BAG3: variants seen among roughly 807,000 people sequenced by gnomAD.
BAG3 encodes the protein BAG family molecular chaperone regulator 3.
BAG3 carries 14 observed loss-of-function variants against 40.5 expected under a neutral mutation model. The ratio of observed to expected loss-of-function variants is 0.35; its 90% confidence interval spans 0.23 to 0.54. BAG3 has a LOEUF of 0.54. BAG3 is among the 20% of genes least tolerant of loss of function. The pLI is 0.91. For missense variants in BAG3, 788 were observed against 758.6 expected (o/e 1.04, Z -0.46); for synonymous variants, 302 against 307.8 (o/e 0.98, Z 0.20).
chr10:119,672,456 C>G lies in BAG3; in HGVS notation c.709C>G (p.Gln237Glu). Residue 237 changes from glutamine (Q) to glutamate (E), a missense_variant, in exon 3 of 4, where the codon CAG (glutamine) becomes GAG (glutamate). Gln to Glu is a conservative substitution (Grantham distance 29, BLOSUM62 2). Transcript: ENST00000369085. This position sits in a 1 kb window ranked among gnomAD's most constrained non-coding sequence, Gnocchi z 4.8. ...QAQKTHYPAQ[Q>E]GEYQTHQPVY... The stretch of plus-strand genomic sequence containing the variant: ...CCAGAAGACGCACTACCCAGCGCAG[C>G]AGGGGGAGTACCAGACCCACCAGCC... The G allele has an allele frequency of 8.7e-6, 14 of 1,614,228 alleles. No individual in the cohort carries two copies. Among genetic ancestry groups the G allele is most frequent in the Non-Finnish European group, 1.1e-5 (13 of 1,180,050 alleles).
rs374883210 is a variant in BAG3 at position 119,677,307 on chromosome 10, C to T, written c.*25C>T. The T allele has an allele frequency of 7.1e-5, 115 of 1,612,652 alleles. No homozygotes were observed. Among genetic ancestry groups the T allele is most frequent in the Non-Finnish European group, 9.3e-5 (110 of 1,179,626 alleles). On this transcript the variant is annotated 3_prime_UTR_variant, in exon 4 of 4. Coordinates refer to ENST00000369085, the MANE Select transcript of BAG3 (RefSeq NM_004281.4). ...GCCTCTGCCCTGTAAAAATCAGACT[C>T]GGAACCGATGTGTGCTTTAGGGAAT... is the stretch of plus-strand genomic sequence containing the variant.
intron 1 of BAG3, among the ~76,000 whole-genome samples, chr10:119,662,884 G>C (rs1241150308): frequency 6.6e-6 from 1 of 152,194 alleles, no homozygotes; most frequent in Non-Finnish European, 1.5e-5. Context: ...GCATGGTGGC[G>C]GGCACCTGTA....
At chr10:119,661,770 G>A (rs1045210198) in intron 1 of BAG3, among the ~76,000 whole-genome samples, 2 of 152,058 alleles carry the variant, frequency 1.3e-5, no homozygotes, top group African/African-American at 4.8e-5. Context: ...CTCCTCAGGT[G>A]TCCTGTAAGT....
At chr10:119,669,500 C>G (rs924938017) in intron 1 of BAG3, among the ~76,000 whole-genome samples, 1 of 152,242 alleles carries the variant, frequency 6.6e-6, no homozygotes, top group East Asian at 1.9e-4. Context: ...AGCTCATCTT[C>G]TGATCCGGGT....
chr10:119,665,124 G>A (rs12260635), intron 1 of BAG3, among the ~76,000 whole-genome samples: 2 of 52,672 alleles, frequency 3.8e-5, no homozygotes, highest in Admixed American at 1.9e-4. Flanking sequence ...GTGTGTGTGT[G>A]TGTATATATA....
chr10:119,651,664 C>A lies in BAG3; in HGVS notation c.-12C>A, dbSNP rs1460588845. 6.4e-7 allele frequency: 1 copy of A among 1,570,388 alleles called. No individual in the cohort carries two copies. The highest frequency in any genetic ancestry group is 1.8e-5 in the Admixed American group (1 of 55,336). ...CCGCACCCGCGCCCCAGCGGGCAGA[C>A]CCCAACCCAGCATGAGCGCCGCCAC... On this transcript the variant is annotated 5_prime_UTR_variant, in exon 1 of 4. Transcript: ENST00000369085.
chr10:119,662,788 G>A lies in BAG3; in HGVS notation c.181-7063G>A, dbSNP rs899704018. 2.0e-5 allele frequency among the ~76,000 whole-genome samples: 3 copies of A among 152,100 alleles called. No homozygotes were observed. The East Asian group carries it at 5.8e-4, about 29-fold the overall frequency. ...TCAGCACTTTGGGAGGCCGAGATGG[G>A]CAGATCACGAGGTCAGGAGATCGAG... is the stretch of plus-strand genomic sequence containing the variant. On this transcript the variant is annotated intron_variant, in intron 1 of 3. Transcript: ENST00000369085.
intron 1 of BAG3, among the ~76,000 whole-genome samples, chr10:119,666,284 C>T (rs1292799655): frequency 6.6e-6 from 1 of 152,170 alleles, no homozygotes; most frequent in Middle Eastern, 3.2e-3. Flanking sequence ...CCCCTGGTCT[C>T]TAGCCTCATC....
rs11199064 is a variant in BAG3 at position 119,676,768 on chromosome 10, C to T, written c.1214C>T (p.Ala405Val). ...RAAPSTAPAE[A>V]TPPKPGEAEA... is the part of the protein sequence containing the mutation. Reference sequence around the variant, plus strand: ...GCCCCCAGCACTGCCCCTGCAGAAGCTACACCTCCAAAACCAGGAGAAGCC... The same window carrying T: ...GCCCCCAGCACTGCCCCTGCAGAAGTTACACCTCCAAAACCAGGAGAAGCC... The change falls in exon 4 of 4, where the codon GCT becomes GTT. Residue 405 changes from alanine (A) to valine (V), a missense_variant. Physicochemically the swap from Ala to Val is moderately conservative, Grantham distance 64. Transcript: ENST00000369085. The T allele has an allele frequency of 1.0e-4, 168 of 1,614,048 alleles. No homozygotes were observed. The highest frequency in any genetic ancestry group is 1.3e-4 in the Non-Finnish European group (159 of 1,180,044).
rs149335469 is a variant in BAG3 at position 119,674,972 on chromosome 10, G to A, written c.910-1492G>A. Among the ~76,000 whole-genome samples, 566 of 125,856 alleles carry A rather than the reference G, an allele frequency of 4.5e-3. 2 individuals carry two copies. Among genetic ancestry groups the A allele is most frequent in the African/African-American group, 0.014 (431 of 31,848 alleles). 82.6% of individuals were successfully genotyped at this position (125,856 alleles called of 152,430 possible). On this transcript the variant is annotated intron_variant, in intron 3 of 3. Coordinates refer to ENST00000369085, the MANE Select transcript of BAG3 (RefSeq NM_004281.4). ...AGCCTGGGTGACAGAGCGAGGCTCCGTCTCAAAAACAAAAACAAAAACAAA... is the reference window on the plus strand; with the variant it reads ...AGCCTGGGTGACAGAGCGAGGCTCCATCTCAAAAACAAAAACAAAAACAAA...
intron 1 of BAG3, among the ~76,000 whole-genome samples, chr10:119,661,320 G>C (rs1286137022): frequency 1.3e-5 from 2 of 152,080 alleles, no homozygotes; most frequent in Non-Finnish European, 2.9e-5. Flanking sequence ...GAGCAGCTCA[G>C]AGTTTACAAA....
chr10:119,658,460 C>T (rs1846945352), intron 1 of BAG3, among the ~76,000 whole-genome samples: 1 of 152,210 alleles, frequency 6.6e-6, no homozygotes, highest in African/African-American at 2.4e-5. Flanking sequence ...GCCTGGCTGG[C>T]CTGATGACTC....
intron 1 of BAG3, among the ~76,000 whole-genome samples, chr10:119,652,926 TAA>T (rs922206909): frequency 3.3e-5 from 5 of 152,240 alleles, no homozygotes; most frequent in African/African-American, 1.2e-4. Context: ...GCTTTCAGGA[TAA>T]AAAGTTTTTA....
At position 119,670,085 on chromosome 10, in the gene BAG3, C is replaced by T. The variant is rs556465096; in HGVS notation, c.415C>T (p.Arg139Trp). The change falls in exon 2 of 4, where the codon CGG becomes TGG. Residue 139 changes from arginine (R) to tryptophan (W), a missense_variant. By Grantham distance (101) the Arg-to-Trp change is moderately radical. Coordinates refer to ENST00000369085, the MANE Select transcript of BAG3 (RefSeq NM_004281.4). ...AAPQRSQSPL[R>W]GMPETTQPDK... ...TCCTCAGAGGTCCCAGTCACCTCTG[C>T]GGGGCATGCCAGAAACCACTCAGCC... 267 of 1,613,680 alleles carry T rather than the reference C, an allele frequency of 1.7e-4. No homozygotes were observed. The highest frequency in any genetic ancestry group is 4.9e-4 in the Middle Eastern group (3 of 6,062).
chr10:119,654,320 A>G (rs773229802), intron 1 of BAG3, among the ~76,000 whole-genome samples: 1 of 152,204 alleles, frequency 6.6e-6, no homozygotes, highest in Non-Finnish European at 1.5e-5. Context: ...AAATGCTGTC[A>G]ATCAGTAAAA....
In BAG3 at chr10:119,651,756, G is replaced by T. The variant is rs1357331177; in HGVS notation, c.81G>T (p.Glu27Asp). The change falls in exon 1 of 4, where the codon GAG becomes GAT. Residue 27 changes from glutamate (E) to aspartate (D), a missense_variant. Coordinates refer to ENST00000369085, the MANE Select transcript of BAG3 (RefSeq NM_004281.4). ...GDRDPLPPGW[E>D]IKIDPQTGWP... ...GCGACCCTTTGCCCCCCGGATGGGA[G>T]ATCAAGATCGACCCGCAGACCGGCT... 1 of 1,600,380 alleles carries T rather than the reference G, an allele frequency of 6.2e-7. No individual in the cohort carries two copies. Among genetic ancestry groups the T allele is most frequent in the Non-Finnish European group, 8.5e-7 (1 of 1,173,926 alleles).
At chr10:119,669,076 A>G (rs1847104462) in intron 1 of BAG3, among the ~76,000 whole-genome samples, 1 of 152,186 alleles carries the variant, frequency 6.6e-6, no homozygotes, top group African/African-American at 2.4e-5. Context: ...CTGATCAGAT[A>G]GTGAGGCTGG....
chr10:119,659,227 C>T (rs1389626066), intron 1 of BAG3, among the ~76,000 whole-genome samples: 1 of 152,248 alleles, frequency 6.6e-6, no homozygotes, highest in Admixed American at 6.5e-5. Context: ...TGCATCTCCC[C>T]ATCCTCTGCC....
Position 119,665,429 on chromosome 10 carries a change from C to T in BAG3, c.181-4422C>T, listed in dbSNP as rs190795421. On this transcript the variant is annotated intron_variant, in intron 1 of 3. Coordinates refer to ENST00000369085, the MANE Select transcript of BAG3 (RefSeq NM_004281.4). ...TGCTGGGATTACAGGCGTGAGCCACCGCGCCCAGCCTAATTTTTGTATTTT... is the reference window on the plus strand; with the variant it reads ...TGCTGGGATTACAGGCGTGAGCCACTGCGCCCAGCCTAATTTTTGTATTTT... Among the ~76,000 whole-genome samples, 6 of 151,980 alleles carry T rather than the reference C, an allele frequency of 3.9e-5. No individual in the cohort carries two copies. The East Asian group carries it at 7.7e-4, about 20-fold the overall frequency.
Sources: allele counts gnomAD v4.1 joint callset (sites outside exome capture counted in the v4.1 genomes callset), GRCh38; gene constraint gnomAD v4.1.1; non-coding constraint Gnocchi (gnomAD v3.1); transcripts MANE v1.5; gene names NCBI Gene and HGNC (gene_info 2026-07-23, HGNC 2026-07-21).